MAML3: variants seen among roughly 807,000 people sequenced by gnomAD.
MAML3 encodes mastermind like transcriptional coactivator 3.
Under a neutral mutation model 101.9 loss-of-function variants are expected in MAML3, and 27 were observed. The observed-to-expected ratio is 0.27, with a 90% CI of 0.20 to 0.37. The LOEUF (loss-of-function observed/expected upper bound fraction) is 0.37, where lower values mean the gene tolerates loss of function less well. MAML3 is among the 10% of genes least tolerant of loss of function. The pLI is 1.00. For missense variants in MAML3, 1,316 were observed against 1,444.9 expected (o/e 0.91, Z 1.45); for synonymous variants, 501 against 555.9 (o/e 0.90, Z 1.39).
chr4:139,899,726 A>G (rs937953147), intron 1 of MAML3, among the ~76,000 whole-genome samples: 7 of 152,254 alleles, frequency 4.6e-5, no homozygotes, highest in African/African-American at 1.7e-4. Context: ...GACTCCTAAC[A>G]TTACTTAGAC....
At chr4:139,918,309 G>C (rs143668008) in intron 1 of MAML3, among the ~76,000 whole-genome samples, 1 of 152,270 alleles carries the variant, frequency 6.6e-6, no homozygotes, top group East Asian at 1.9e-4. Context: ...GTGTCTCCCA[G>C]CTCCTTCATA....
intron 1 of MAML3, among the ~76,000 whole-genome samples, chr4:139,940,145 C>T (rs916928885): frequency 2.6e-5 from 4 of 152,190 alleles, no homozygotes; most frequent in Non-Finnish European, 5.9e-5. Flanking sequence ...GCTGCCATAG[C>T]TCTTTCACAT....
At chr4:140,071,989 G>T (rs1057381831) in intron 1 of MAML3, among the ~76,000 whole-genome samples, 1 of 152,092 alleles carries the variant, frequency 6.6e-6, no homozygotes, top group African/African-American at 2.4e-5. Context: ...GGGGAGGAAG[G>T]GGGAGAACAG....
intron 1 of MAML3, among the ~76,000 whole-genome samples, chr4:139,971,353 TTC>T (rs1209880620): frequency 6.6e-6 from 1 of 152,208 alleles, no homozygotes; most frequent in African/African-American, 2.4e-5. Context: ...GCTCCACAGA[TTC>T]TGTTTCAAAT....
At chr4:140,143,493 T>C (rs1437732006) in intron 1 of MAML3, among the ~76,000 whole-genome samples, 1 of 152,188 alleles carries the variant, frequency 6.6e-6, no homozygotes, top group Non-Finnish European at 1.5e-5. Flanking sequence ...CCAGGCGCGG[T>C]GGCTCACACC....
At chr4:140,148,400 TA>T (rs1197268368) in intron 1 of MAML3, among the ~76,000 whole-genome samples, 3 of 152,068 alleles carry the variant, frequency 2.0e-5, no homozygotes, top group African/African-American at 7.2e-5. Context: ...TATTGGAGCT[TA>T]AAAAAATGCT....
intron 1 of MAML3, among the ~76,000 whole-genome samples, chr4:139,948,288 A>G (rs1578612449): frequency 6.6e-6 from 1 of 152,256 alleles, no homozygotes; most frequent in East Asian, 1.9e-4. Flanking sequence ...CAAATACTTC[A>G]TTTCACTGTT....
At position 139,836,994 on chromosome 4, in the gene MAML3, T is replaced by C. The variant is rs574617633; in HGVS notation, c.2079+52363A>G. ...AAAATTAGCCGGGCTTGGTGGTGCATGCCTGCAATCCCAGCTACTCAGGAG... is the reference window on the plus strand; with the variant it reads ...AAAATTAGCCGGGCTTGGTGGTGCACGCCTGCAATCCCAGCTACTCAGGAG... On this transcript the variant is annotated intron_variant, in intron 2 of 4. Coordinates refer to ENST00000509479, the MANE Select transcript of MAML3 (RefSeq NM_018717.5). Among the ~76,000 whole-genome samples the C allele has an allele frequency of 1.1e-4, 16 of 151,634 alleles. No individual in the cohort carries two copies. The South Asian group carries it at 2.3e-3, about 22-fold the overall frequency.
chr4:140,101,100 G>A (rs1728245617), intron 1 of MAML3, among the ~76,000 whole-genome samples: 1 of 152,142 alleles, frequency 6.6e-6, no homozygotes, highest in South Asian at 2.1e-4. Context: ...GCCATTGACT[G>A]ACTAACAGCA....
Position 139,824,450 on chromosome 4 carries a change from A to G in MAML3, c.2079+64907T>C, listed in dbSNP as rs539003758. 3.3e-5 allele frequency among the ~76,000 whole-genome samples: 5 copies of G among 152,278 alleles called. No homozygotes were observed. In the South Asian group the frequency reaches 1.0e-3, roughly 32 times the overall value. The stretch of plus-strand genomic sequence containing the variant: ...AATTAGGGTAACTATATAATTTTTC[A>G]CCCAAGCCAGGACAACTGGCATAAA... On this transcript the variant is annotated intron_variant, in intron 2 of 4. Transcript: ENST00000509479.
rs143450469 is a variant in MAML3, at chr4:139,778,181, G to A, written c.2080-47514C>T. Among the ~76,000 whole-genome samples, 87 of 152,350 alleles carry A rather than the reference G, an allele frequency of 5.7e-4. 1 individual carries two copies. The highest frequency in any genetic ancestry group is 1.9e-3 in the African/African-American group (80 of 41,576). On this transcript the variant is annotated intron_variant, in intron 2 of 4. Coordinates refer to ENST00000509479, the MANE Select transcript of MAML3 (RefSeq NM_018717.5). ...ATAAAATGATGAATAAAAGAATACC[G>A]TGATAAAAGTAGGTTGTTACTTGCT...
At chr4:139,739,426 G>A (rs1729075570) in intron 2 of MAML3, among the ~76,000 whole-genome samples, 1 of 152,180 alleles carries the variant, frequency 6.6e-6, no homozygotes, top group South Asian at 2.1e-4. Flanking sequence ...TGAGAGTTAT[G>A]CTTTTCGTCT....
intron 1 of MAML3, among the ~76,000 whole-genome samples, chr4:139,988,318 C>T: frequency 8.2e-6 from 1 of 121,718 alleles, no homozygotes. Context: ...CAGAGTGAGA[C>T]TCCGTCTCAA....
At chr4:139,851,585 G>A (rs1731552263) in intron 2 of MAML3, among the ~76,000 whole-genome samples, 1 of 151,956 alleles carries the variant, frequency 6.6e-6, no homozygotes, top group Non-Finnish European at 1.5e-5. Flanking sequence ...AGAGGACCAT[G>A]TTCCTACTTG....
chr4:139,927,482 G>A (rs1197247298), intron 1 of MAML3, among the ~76,000 whole-genome samples: 4 of 152,104 alleles, frequency 2.6e-5, no homozygotes, highest in South Asian at 2.1e-4. Flanking sequence ...TCCTCAAATC[G>A]TTGCCCACTA....
At chr4:139,879,805 T>C (rs571722086) in intron 2 of MAML3, among the ~76,000 whole-genome samples, 1 of 152,300 alleles carries the variant, frequency 6.6e-6, no homozygotes, top group South Asian at 2.1e-4. Context: ...CGATGGGTTA[T>C]CAGCTCTCTC....
At chr4:139,966,394 A>G (rs1734130898) in intron 1 of MAML3, among the ~76,000 whole-genome samples, 1 of 152,164 alleles carries the variant, frequency 6.6e-6, no homozygotes, top group Non-Finnish European at 1.5e-5. Context: ...AGATGTTAGG[A>G]ACTAGAAACA....
chr4:140,093,693 G>C (rs2110986276), intron 1 of MAML3, among the ~76,000 whole-genome samples: 1 of 152,172 alleles, frequency 6.6e-6, no homozygotes, highest in Admixed American at 6.5e-5. Context: ...CGCCCAAAGT[G>C]CTGGGATTAC....
chr4:140,114,693 G>A (rs11100496), intron 1 of MAML3, among the ~76,000 whole-genome samples: 29,773 of 152,056 alleles, frequency 0.2, 3,525 homozygotes, highest in South Asian at 0.3. Flanking sequence ...AATTGCCAGC[G>A]ACCAGTTTCA....
Sources: gnomAD v4.1 joint callset for allele counts (sites outside exome capture counted in the v4.1 genomes callset) on GRCh38, gnomAD v4.1.1 for gene constraint, MANE v1.5 for transcripts, NCBI Gene and HGNC (gene_info 2026-07-23, HGNC 2026-07-21) for gene names.